STAB2: variants seen among roughly 807,000 people sequenced by gnomAD.
STAB2 encodes stabilin-2.
In STAB2, 288 loss-of-function variants were observed where a neutral mutation model predicts 338.1. The ratio of observed to expected loss-of-function variants is 0.85; its 90% CI spans 0.77 to 0.94. The LOEUF (loss-of-function observed/expected upper bound fraction) is 0.94. Among genes scored for constraint, STAB2 ranks in the 40% least tolerant of loss-of-function variants. The pLI, the probability that STAB2 is intolerant of heterozygous loss-of-function variation, is 0.00. For synonymous variants in STAB2, 1,202 were observed against 1,193.3 expected, an observed-to-expected ratio of 1.01 and a Z score of -0.15; for missense variants, 3,141 against 3,210.1, an observed-to-expected ratio of 0.98 and a Z score of 0.52.
intron 36 of STAB2, chr12:103,705,151 A>G (rs1879232499): frequency 1.3e-5 from 2 of 156,832 alleles, no homozygotes; most frequent in South Asian, 3.8e-4. Context: ...AATATATGAT[A>G]ATTTTTAATT....
chr12:103,683,073 G>A (rs1877070709), intron 25 of STAB2, 132 bp from the exon 26 acceptor site: 2 of 607,672 alleles, frequency 3.3e-6, no homozygotes, highest in East Asian at 2.9e-5. Context: ...CAAGCAAAAG[G>A]CATTAACACT....
chr12:103,670,812 G>A lies in STAB2; in HGVS notation c.2371+5G>A. 6.2e-7 allele frequency: 1 copy of A among 1,611,306 alleles called. No homozygotes were observed. The highest frequency in any genetic ancestry group is 1.1e-5 in the South Asian group (1 of 90,618). On this transcript the variant is annotated splice_donor_5th_base_variant and intron_variant, in intron 22 of 68. Coordinates refer to ENST00000388887, the MANE Select transcript of STAB2 (RefSeq NM_017564.10). ...ACGGACCTCGGTGTAACAAAAGTAAGTGGCACTTCCAGAGCTTCCTTCCAC... is the reference window on the plus strand; with the variant it reads ...ACGGACCTCGGTGTAACAAAAGTAAATGGCACTTCCAGAGCTTCCTTCCAC...
At chr12:103,608,879 A>T (rs1957076096) in intron 3 of STAB2, among the ~76,000 whole-genome samples, 1 of 152,220 alleles carries the variant, frequency 6.6e-6, no homozygotes, top group Non-Finnish European at 1.5e-5. Flanking sequence ...TGTAAGGAAG[A>T]GATCCAGTTT....
chr12:103,633,095 G>C (rs79125265), intron 6 of STAB2, among the ~76,000 whole-genome samples: 1,912 of 152,356 alleles, frequency 0.013, 14 homozygotes, highest in Middle Eastern at 0.051. Context: ...GCAAAGGCAA[G>C]TGGGTAGGAC....
intron 23 of STAB2, 41 bp downstream of exon 23, chr12:103,674,128 T>C: frequency 1.3e-6 from 2 of 1,585,022 alleles, no homozygotes; most frequent in Non-Finnish European, 8.6e-7. Flanking sequence ...CGCTGAGTCA[T>C]TAAGTGTAAG....
At chr12:103,709,869 A>G (rs920785729) in intron 39 of STAB2, among the ~76,000 whole-genome samples, 2 of 152,138 alleles carry the variant, frequency 1.3e-5, no homozygotes, top group Non-Finnish European at 2.9e-5. Context: ...TAAATACAAT[A>G]GGCTCTCTCC....
intron 3 of STAB2, among the ~76,000 whole-genome samples, chr12:103,594,925 G>C (rs1005294799): frequency 2.6e-5 from 4 of 151,934 alleles, no homozygotes; most frequent in African/African-American, 9.7e-5. Context: ...CTAAAAATTT[G>C]TCTTAGGATG....
At chr12:103,663,592 C>T (rs969478286) in intron 18 of STAB2, among the ~76,000 whole-genome samples, 2 of 152,156 alleles carry the variant, frequency 1.3e-5, no homozygotes, top group Non-Finnish European at 2.9e-5. Flanking sequence ...AAGCGATCCT[C>T]TCATCTCGGC....
In STAB2 at chr12:103,611,696, A is replaced by G. The variant is rs922937939; in HGVS notation, c.332-8772A>G. On this transcript the variant is annotated intron_variant, in intron 3 of 68. Coordinates refer to ENST00000388887, the MANE Select transcript of STAB2 (RefSeq NM_017564.10). ...ATTTAGCCCATTTACATTTAAGGTT[A>G]ATATTGTTATGTGTGAATTTGATCC... Among the ~76,000 whole-genome samples, 137 of 152,100 alleles carry G rather than the reference A, an allele frequency of 9.0e-4. 1 individual carries two copies. The highest frequency in any genetic ancestry group is 6.2e-4 in the Non-Finnish European group (42 of 68,014).
chr12:103,763,460 C>T, intron 67 of STAB2, 32 bp from the exon 68 acceptor site: 1 of 1,604,932 alleles, frequency 6.2e-7, no homozygotes, highest in South Asian at 1.1e-5. Flanking sequence ...TTTGGGGATG[C>T]TCCTGGCTTT....
chr12:103,726,202 G>A (rs754796305), intron 46 of STAB2, 39 bp downstream of exon 46: 5 of 1,610,290 alleles, frequency 3.1e-6, no homozygotes, highest in Non-Finnish European at 4.2e-6. Flanking sequence ...TAAGAGTTCA[G>A]CCTAGGCCAG....
At position 103,740,656 on chromosome 12, in the gene STAB2, C is replaced by T. The variant is rs1305736929; in HGVS notation, c.5781C>T (p.Asn1927=). 6 of 1,612,084 alleles carry T rather than the reference C, an allele frequency of 3.7e-6. No homozygotes were observed. The East Asian group carries it at 1.3e-4, about 36-fold the overall frequency. Residue 1927 remains asparagine (N), a synonymous_variant, in exon 55 of 69, where the codon AAC becomes AAT. Coordinates refer to ENST00000388887, the MANE Select transcript of STAB2 (RefSeq NM_017564.10). ...GTGTGAAGCAGAAGTGTCTCTACAA[C>T]CTGCCCTTCAAGAGGAACCTGGAAG... ...PKGVKQKCLY[N]LPFKRNLEGC...
At chr12:103,755,975 A>C (rs1884073815) in intron 63 of STAB2, among the ~76,000 whole-genome samples, 1 of 152,190 alleles carries the variant, frequency 6.6e-6, no homozygotes, top group Admixed American at 6.5e-5. Flanking sequence ...GGTCATTGTG[A>C]TCATTAAATG....
At chr12:103,746,949 CT>C (rs370851005) in intron 58 of STAB2, among the ~76,000 whole-genome samples, 42,200 of 96,000 alleles carry the variant, frequency 0.44, 7,574 homozygotes, top group Non-Finnish European at 0.45. Context: ...GTTTTTCTTT[CT>C]TTTTTTTTTT....
chr12:103,658,722 C>T (rs1227255690), intron 15 of STAB2, among the ~76,000 whole-genome samples: 1 of 152,142 alleles, frequency 6.6e-6, no homozygotes, highest in East Asian at 1.9e-4. Context: ...GACCCCTACC[C>T]ATGCCCTTTA....
At chr12:103,763,282 G>T in intron 67 of STAB2, 1 of 580,718 alleles carries the variant, frequency 1.7e-6, no homozygotes. Flanking sequence ...ATTTGGTGGT[G>T]ATCACAAATG....
intron 48 of STAB2, 37 bp downstream of exon 48, chr12:103,729,032 G>T (rs754156476): frequency 6.2e-7 from 1 of 1,607,464 alleles, no homozygotes; most frequent in Non-Finnish European, 8.5e-7. Context: ...CTCTCCCCTA[G>T]ATCATGTCCT....
intron 30 of STAB2, 111 bp downstream of exon 30, chr12:103,690,649 G>A (rs1877855744): frequency 1.2e-6 from 1 of 857,442 alleles, no homozygotes; most frequent in East Asian, 2.7e-5. Flanking sequence ...AAACTACAGA[G>A]AACAGAATCC....
chr12:103,640,485 T>C (rs185663066), intron 9 of STAB2, among the ~76,000 whole-genome samples: 1 of 152,176 alleles, frequency 6.6e-6, no homozygotes, highest in African/African-American at 2.4e-5. Context: ...TGGAATATTG[T>C]TGTGGCCTGA....
Sources: gnomAD v4.1 joint callset for allele counts (sites outside exome capture counted in the v4.1 genomes callset) on GRCh38, gnomAD v4.1.1 for gene constraint, MANE v1.5 for transcripts, NCBI Gene and HGNC (gene_info 2026-07-23, HGNC 2026-07-21) for gene names.